Variants in B3GNT4 observed in about 807,000 individuals in gnomAD.
B3GNT4 encodes the protein N-acetyllactosaminide beta-1,3-N-acetylglucosaminyltransferase 4.
In B3GNT4, 2 loss-of-function variants were observed where a neutral mutation model predicts 2.7. That is an observed-to-expected ratio of 0.73 (90% CI 0.30 to 2.31). The LOEUF (loss-of-function observed/expected upper bound fraction) is 2.31. Among genes scored for constraint, B3GNT4 ranks in the 30% most tolerant of loss-of-function variants. The probability of loss-of-function intolerance (pLI) is 0.12; values close to 1 mark genes in which losing one functional copy is unlikely to be tolerated. For missense variants in B3GNT4, 708 were observed against 490.9 expected, an observed-to-expected ratio of 1.44 and a Z score of -4.18; for synonymous variants, 280 against 203.4, an observed-to-expected ratio of 1.38 and a Z score of -3.20.
In B3GNT4 at chr12:122,208,180, C is replaced by T. The variant is rs1953974769; in HGVS notation, c.*792C>T. ...TGAAATGTTAAACAGGGTGCAGTGC[C>T]CAAGGGCTAAGAACCAGGTCCAGCG... On this transcript the variant is annotated 3_prime_UTR_variant, in exon 3 of 3. Transcript: ENST00000324189. 9.8e-6 allele frequency: 7 copies of T among 717,864 alleles called. No individual in the cohort carries two copies. In the East Asian group the frequency reaches 1.9e-4, roughly 19 times the overall value. The allele number at this position is 717,864 out of a possible 1,614,324, so 44.5% of individuals were successfully genotyped here.
In B3GNT4 at chr12:122,203,794, A is replaced by C. The variant is rs1460328087; in HGVS notation, c.-105A>C. 1 of 181,088 alleles carries C rather than the reference A, an allele frequency of 5.5e-6. No homozygotes were observed. The highest frequency in any genetic ancestry group is 1.3e-4 in the East Asian group (1 of 7,712). 11.2% of individuals were successfully genotyped at this position (181,088 alleles called of 1,614,324 possible). On this transcript the variant is annotated 5_prime_UTR_variant, in exon 1 of 3. Transcript: ENST00000324189. ...AGCTCCACGCCCGTACCCCGGCGTCACGCTCAGGTAGGTTGGGGGCCGGGA... is the reference window on the plus strand; with the variant it reads ...AGCTCCACGCCCGTACCCCGGCGTCCCGCTCAGGTAGGTTGGGGGCCGGGA...
rs769917474 is a variant in B3GNT4 at position 122,208,805 on chromosome 12, A to G, written c.*1417A>G. On this transcript the variant is annotated 3_prime_UTR_variant, in exon 3 of 3. Transcript: ENST00000324189. ...ATTTTTCTTCAGCTGTCAGCGGCCAACATCACAATTATTAAATGCAACTCT... is the reference window on the plus strand; with the variant it reads ...ATTTTTCTTCAGCTGTCAGCGGCCAGCATCACAATTATTAAATGCAACTCT... The G allele has an allele frequency of 6.2e-6, 4 of 641,262 alleles. No homozygotes were observed. Among genetic ancestry groups the G allele is most frequent in the African/African-American group, 3.6e-5 (2 of 55,948 alleles). The allele number at this position is 641,262 out of a possible 1,614,324, so 39.7% of individuals were successfully genotyped here.
At chr12:122,204,263 C>T (rs1172181407) in intron 1 of B3GNT4, among the ~76,000 whole-genome samples, 1 of 151,976 alleles carries the variant, frequency 6.6e-6, no homozygotes, top group East Asian at 1.9e-4. Flanking sequence ...AGGCCGAGCG[C>T]AGCCTCAGGA....
In B3GNT4 at chr12:122,204,673, C is replaced by T. The variant is rs1457634538; in HGVS notation, c.55C>T (p.Leu19Phe). The change falls in exon 2 of 3, where the codon CTT becomes TTT. Residue 19 changes from leucine to phenylalanine, a missense_variant. Transcript: ENST00000324189. ...CCAGGGAAGGGGCGGTAGGAGTGGC[C>T]TTTTACCAAAGGTCAGATTCTTTCA... Reference protein sequence around the residue: ...AHQGRGGRSGLLPKGPAMLCR... With the variant: ...AHQGRGGRSGFLPKGPAMLCR... The T allele has an allele frequency of 6.2e-7, 1 of 1,610,890 alleles. No individual in the cohort carries two copies. Among genetic ancestry groups the T allele is most frequent in the South Asian group, 1.1e-5 (1 of 90,996 alleles).
rs1566017778 is a variant in B3GNT4 at position 122,207,243 on chromosome 12, GGC to G, written c.994_995del (p.Arg332AlafsTer11). 5 of 1,614,092 alleles carry G rather than the reference GGC, an allele frequency of 3.1e-6. No individual in the cohort carries two copies. Among genetic ancestry groups the G allele is most frequent in the Non-Finnish European group, 4.2e-6 (5 of 1,180,024 alleles). On this transcript the variant is annotated frameshift_variant, in exon 3 of 3. Transcript: ENST00000324189. LOFTEE classifies it low-confidence loss of function (END_TRUNC). ...GCTGGCTTCAAGACATTTGGAATCC[GGC>G]GGCCCCTGGACCCCTTAGACCCCTG...
chr12:122,207,507 T>G lies in B3GNT4; in HGVS notation c.*119T>G, dbSNP rs115377262. The stretch of plus-strand genomic sequence containing the variant: ...CTTGGTTTTTTAACTCCTCTCACCC[T>G]GTTAGCTCTGATTAAAAACACTGCA... On this transcript the variant is annotated 3_prime_UTR_variant, in exon 3 of 3. Coordinates refer to ENST00000324189, the MANE Select transcript of B3GNT4 (RefSeq NM_030765.4). 2.2e-6 allele frequency: 2 copies of G among 925,992 alleles called. No individual in the cohort carries two copies. Among genetic ancestry groups the G allele is most frequent in the African/African-American group, 3.3e-5 (2 of 59,766 alleles). The allele number at this position is 925,992 out of a possible 1,614,324, so 57.4% of individuals were successfully genotyped here.
In B3GNT4 at chr12:122,208,702, C is replaced by T. The variant is rs921989208; in HGVS notation, c.*1314C>T. 3.5e-5 allele frequency: 31 copies of T among 893,742 alleles called. 1 individual carries two copies. Among genetic ancestry groups the T allele is most frequent in the Non-Finnish European group, 5.4e-5 (30 of 559,542 alleles). The allele number at this position is 893,742 out of a possible 1,614,324, so 55.4% of individuals were successfully genotyped here. A position where few individuals can be genotyped will look rare whatever the true frequency, so the allele number is the denominator to read the frequency against. ...TCTTGGGGTCACTTTCCTTGACCTC[C>T]CTGTCTTCTCTCTCTGCAAAGAAAC... On this transcript the variant is annotated 3_prime_UTR_variant, in exon 3 of 3. Transcript: ENST00000324189.
At position 122,208,696 on chromosome 12, in the gene B3GNT4, G is replaced by T. The variant is rs757432015; in HGVS notation, c.*1308G>T. 18 of 958,338 alleles carry T rather than the reference G, an allele frequency of 1.9e-5. No individual in the cohort carries two copies. In the Admixed American group the frequency reaches 3.6e-4, roughly 19 times the overall value. The allele number at this position is 958,338 out of a possible 1,614,324, so 59.4% of individuals were successfully genotyped here. A position where few individuals can be genotyped will look rare whatever the true frequency, so the allele number is the denominator to read the frequency against. The stretch of plus-strand genomic sequence containing the variant: ...AACCCCTCTTGGGGTCACTTTCCTT[G>T]ACCTCCCTGTCTTCTCTCTCTGCAA... On this transcript the variant is annotated 3_prime_UTR_variant, in exon 3 of 3. Transcript: ENST00000324189.
At chr12:122,204,717 C>G (rs1440279903) in intron 2 of B3GNT4, 33 bp downstream of exon 2, 1 of 1,554,474 alleles carries the variant, frequency 6.4e-7, no homozygotes, top group Non-Finnish European at 8.9e-7. Context: ...GCCAGACCCC[C>G]TTGTCCCCCA....
At position 122,207,435 on chromosome 12, in the gene B3GNT4, C is replaced by T. The variant is rs114818746; in HGVS notation, c.*47C>T. Reference sequence around the variant, plus strand: ...TGAGAGTGGACTCAGTGTTGATTCTCTATCGTGATGCGAAATTGATGCCTG... The same window carrying T: ...TGAGAGTGGACTCAGTGTTGATTCTTTATCGTGATGCGAAATTGATGCCTG... On this transcript the variant is annotated 3_prime_UTR_variant, in exon 3 of 3. Transcript: ENST00000324189. The T allele has an allele frequency of 6.0e-4, 879 of 1,473,570 alleles. 3 individuals carry two copies. In the African/African-American group the frequency reaches 0.011, roughly 18 times the overall value. 91.3% of individuals were successfully genotyped at this position (1,473,570 alleles called of 1,614,324 possible).
chr12:122,206,236 T>TAA, intron 2 of B3GNT4, 82 bp from the exon 3 acceptor site: 2 of 1,152,040 alleles, frequency 1.7e-6, no homozygotes. Flanking sequence ...ACTTAGCGGC[T>TAA]GGGGTGCAGG....
chr12:122,206,096 G>A, intron 2 of B3GNT4: 1 of 477,110 alleles, frequency 2.1e-6, no homozygotes, highest in Non-Finnish European at 3.6e-6. Flanking sequence ...AGACCCAGGA[G>A]TCCTCAGATG....
Position 122,204,608 on chromosome 12 carries a change from A to G in B3GNT4, c.-11A>G. The G allele has an allele frequency of 6.2e-7, 1 of 1,606,414 alleles. No individual in the cohort carries two copies. Among genetic ancestry groups the G allele is most frequent in the Non-Finnish European group, 8.5e-7 (1 of 1,173,676 alleles). On this transcript the variant is annotated 5_prime_UTR_variant, in exon 2 of 3. Coordinates refer to ENST00000324189, the MANE Select transcript of B3GNT4 (RefSeq NM_030765.4). ...CATCCTGAGCACGGAGACAGTCTCC[A>G]GCTGCCGTTCATGCTTCCTCCCCAG...
In B3GNT4 at chr12:122,207,458, C is replaced by T. The variant is rs1255299850; in HGVS notation, c.*70C>T. On this transcript the variant is annotated 3_prime_UTR_variant, in exon 3 of 3. Transcript: ENST00000324189. ...CTCTATCGTGATGCGAAATTGATGC[C>T]TGCTGCTCTACAGAAAATGCCAACT... The T allele has an allele frequency of 7.3e-7, 1 of 1,374,552 alleles. No homozygotes were observed. The highest frequency in any genetic ancestry group is 9.7e-7 in the Non-Finnish European group (1 of 1,033,952). 85.1% of individuals were successfully genotyped at this position (1,374,552 alleles called of 1,614,324 possible). A position where few individuals can be genotyped will look rare whatever the true frequency, so the allele number is the denominator to read the frequency against.
rs1473209109 is a variant in B3GNT4, at chr12:122,206,996, C to G, written c.745C>G (p.Gln249Glu). The change falls in exon 3 of 3, where the codon CAA becomes GAA. Residue 249 changes from glutamine (Q) to glutamate (E), a missense_variant. By Grantham distance (29) the Gln-to-Glu change is conservative. Coordinates refer to ENST00000324189, the MANE Select transcript of B3GNT4 (RefSeq NM_030765.4). Reference protein sequence around the residue: ...QDLLVGDVIRQALPNRNTKVK... With the variant: ...QDLLVGDVIREALPNRNTKVK... ...CCTCCTGGTGGGAGATGTCATCCGC[C>G]AAGCCCTGCCCAACAGGAACACTAA... 1.9e-6 allele frequency: 3 copies of G among 1,613,924 alleles called. No individual in the cohort carries two copies. The highest frequency in any genetic ancestry group is 1.3e-5 in the African/African-American group (1 of 74,912).
chr12:122,207,472 A>G lies in B3GNT4; in HGVS notation c.*84A>G. 7.6e-7 allele frequency: 1 copy of G among 1,312,772 alleles called. No individual in the cohort carries two copies. The highest frequency in any genetic ancestry group is 1.0e-6 in the Non-Finnish European group (1 of 983,196). 81.3% of individuals were successfully genotyped at this position (1,312,772 alleles called of 1,614,324 possible). On this transcript the variant is annotated 3_prime_UTR_variant, in exon 3 of 3. Transcript: ENST00000324189. ...GAAATTGATGCCTGCTGCTCTACAG[A>G]AAATGCCAACTTGGTTTTTTAACTC...
At position 122,206,467 on chromosome 12, in the gene B3GNT4, T is replaced by A; in HGVS notation, c.216T>A (p.Arg72=). The A allele has an allele frequency of 6.2e-7, 1 of 1,614,100 alleles. No individual in the cohort carries two copies. Among genetic ancestry groups the A allele is most frequent in the East Asian group, 2.2e-5 (1 of 44,870 alleles). ...HQPFWAPPTP[R]HSRCPPNHTV... ...CTTTCTGGGCTCCCCCAACACCCCG[T>A]CACAGCCGGTGTCCACCCAACCACA... Residue 72 remains arginine, a synonymous_variant, in exon 3 of 3, where the codon CGT becomes CGA. Transcript: ENST00000324189.
rs1357482174 is a variant in B3GNT4 at position 122,208,780 on chromosome 12, A to G, written c.*1392A>G. The G allele has an allele frequency of 4.4e-6, 3 of 680,774 alleles. No individual in the cohort carries two copies. Among genetic ancestry groups the G allele is most frequent in the South Asian group, 3.0e-5 (2 of 66,606 alleles). The allele number at this position is 680,774 out of a possible 1,614,324, so 42.2% of individuals were successfully genotyped here. ...TAACTGACACTCTGTCAAAAACAGC[A>G]TTTTTCTTCAGCTGTCAGCGGCCAA... On this transcript the variant is annotated 3_prime_UTR_variant, in exon 3 of 3. Coordinates refer to ENST00000324189, the MANE Select transcript of B3GNT4 (RefSeq NM_030765.4).
At position 122,207,641 on chromosome 12, in the gene B3GNT4, ACCT is replaced by A; in HGVS notation, c.*255_*257del. Reference sequence around the variant, plus strand: ...GCTGCCTGGGGCGCTGCAGTCTGGGACCTCAAGGAAGGAGGCTGCATAGGACCC... The same window carrying A: ...GCTGCCTGGGGCGCTGCAGTCTGGGACAAGGAAGGAGGCTGCATAGGACCC... On this transcript the variant is annotated 3_prime_UTR_variant, in exon 3 of 3. Transcript: ENST00000324189. The A allele has an allele frequency of 1.6e-6, 1 of 638,670 alleles. No individual in the cohort carries two copies. The highest frequency in any genetic ancestry group is 2.8e-6 in the Non-Finnish European group (1 of 351,796). 39.6% of individuals were successfully genotyped at this position (638,670 alleles called of 1,614,324 possible).
Sources: allele counts gnomAD v4.1 joint callset (sites outside exome capture counted in the v4.1 genomes callset), GRCh38; gene constraint gnomAD v4.1.1; transcripts MANE v1.5; gene names NCBI Gene and HGNC (gene_info 2026-07-23, HGNC 2026-07-21).